Variants in TLCD3A observed in about 807,000 individuals in gnomAD.
TLCD3A encodes TLC domain containing 3A.
A neutral mutation model predicts 29.9 loss-of-function variants in TLCD3A; 17 were observed. The ratio of observed to expected loss-of-function variants is 0.57; its 90% CI spans 0.39 to 0.85. The LOEUF is 0.85. TLCD3A is among the 40% of genes least tolerant of loss of function. The pLI, the probability that TLCD3A is intolerant of heterozygous loss-of-function variation, is 0.00. For missense variants in TLCD3A, 332 were observed against 350.8 expected, an observed-to-expected ratio of 0.95 and a Z score of 0.43; for synonymous variants, 143 against 147.7, an observed-to-expected ratio of 0.97 and a Z score of 0.23.
At chr17:733,848 A>T (rs1177452824) in intron 2 of TLCD3A, among the ~76,000 whole-genome samples, 1 of 152,090 alleles carries the variant, frequency 6.6e-6, no homozygotes, top group African/African-American at 2.4e-5. Context: ...CTGGAATCAC[A>T]CTCACTTTCT....
chr17:737,258 C>G (rs556420799), intron 2 of TLCD3A, among the ~76,000 whole-genome samples: 2 of 150,206 alleles, frequency 1.3e-5, no homozygotes, highest in Non-Finnish European at 3.0e-5. Context: ...GTGATCCACC[C>G]GCCTCAGCCT....
At chr17:740,408 C>T (rs1043558981) in intron 3 of TLCD3A, 97 bp from the exon 4 acceptor site, 19 of 894,260 alleles carry the variant, frequency 2.1e-5, no homozygotes, top group East Asian at 9.7e-5. Flanking sequence ...GTCCTTTGCC[C>T]GTCACAGTTA....
At chr17:740,296 C>T (rs749059934) in intron 3 of TLCD3A, among the ~76,000 whole-genome samples, 11 of 152,158 alleles carry the variant, frequency 7.2e-5, no homozygotes, top group Non-Finnish European at 1.3e-4. Context: ...TGTGGGACGC[C>T]GTCATCCTGT....
intron 2 of TLCD3A, among the ~76,000 whole-genome samples, chr17:736,223 C>T (rs1023983550): frequency 1.3e-5 from 2 of 152,120 alleles, no homozygotes; most frequent in Non-Finnish European, 2.9e-5. Flanking sequence ...TCAGGGCCCT[C>T]GGCTTACAAT....
intron 2 of TLCD3A, among the ~76,000 whole-genome samples, chr17:735,781 A>G (rs1974144715): frequency 1.3e-5 from 2 of 151,828 alleles, no homozygotes; most frequent in Non-Finnish European, 2.9e-5. Flanking sequence ...TCTGGCCAAC[A>G]TGGTGAAACC....
chr17:740,987 T>C (rs756401675), intron 4 of TLCD3A, among the ~76,000 whole-genome samples: 6 of 152,346 alleles, frequency 3.9e-5, no homozygotes, highest in Non-Finnish European at 5.9e-5. Flanking sequence ...GCTCATTCTA[T>C]TTTTTCCCTG....
chr17:738,111 T>TTTTTTTTTTC, intron 3 of TLCD3A, 64 bp downstream of exon 3: 1 of 1,310,478 alleles, frequency 7.6e-7, no homozygotes, highest in Non-Finnish European at 1.0e-6. Flanking sequence ...TTTTTTTTTT[T>TTTTTTTTTTC]TTCTGAGACA....
rs755443158 is a variant in TLCD3A, at chr17:741,370, C to T, written c.574C>T (p.Arg192Trp). ...ILTLATFLSC[R>W]ILLFPFMYWS... Reference sequence around the variant, plus strand: ...CACGCTGGCCACCTTCCTTTCCTGCCGGATCCTTCTCTTCCCCTTCATGTA... The same window carrying T: ...CACGCTGGCCACCTTCCTTTCCTGCTGGATCCTTCTCTTCCCCTTCATGTA... The change falls in exon 5 of 5, where the codon CGG becomes TGG. Residue 192 changes from arginine to tryptophan, a missense_variant. Arg to Trp is a moderately radical substitution (Grantham distance 101, BLOSUM62 -3). Coordinates refer to ENST00000308278, the MANE Select transcript of TLCD3A (RefSeq NM_024792.3). The T allele has an allele frequency of 3.1e-6, 5 of 1,614,188 alleles. No homozygotes were observed. The highest frequency in any genetic ancestry group is 2.2e-5 in the East Asian group (1 of 44,884).
intron 2 of TLCD3A, 96 bp downstream of exon 2, chr17:733,277 T>C: frequency 1.7e-6 from 2 of 1,181,818 alleles, no homozygotes; most frequent in Non-Finnish European, 1.2e-6. Flanking sequence ...AGCTGACTAA[T>C]GGGAAAAGCT....
At chr17:740,097 TAAGAA>T (rs1303331825) in intron 3 of TLCD3A, among the ~76,000 whole-genome samples, 16 of 152,188 alleles carry the variant, frequency 1.1e-4, no homozygotes, top group Non-Finnish European at 5.9e-5. Flanking sequence ...TTAAATTCTT[TAAGAA>T]GTGTCTGGGA....
intron 3 of TLCD3A, among the ~76,000 whole-genome samples, chr17:738,872 A>G (rs896234902): frequency 6.6e-6 from 1 of 151,860 alleles, no homozygotes; most frequent in Non-Finnish European, 1.5e-5. Flanking sequence ...CGGCCCCAAC[A>G]TTCTTTTTAA....
intron 2 of TLCD3A, among the ~76,000 whole-genome samples, chr17:734,667 T>C (rs1386923072): frequency 2.0e-5 from 3 of 152,194 alleles, no homozygotes; most frequent in South Asian, 4.1e-4. Context: ...TTCTATTATA[T>C]GCCTTCTCAT....
At chr17:734,505 G>C (rs1424143887) in intron 2 of TLCD3A, among the ~76,000 whole-genome samples, 1 of 151,400 alleles carries the variant, frequency 6.6e-6, no homozygotes, top group East Asian at 1.9e-4. Flanking sequence ...TAGAGACAGG[G>C]GTCTCCCTGC....
At chr17:739,225 G>A (rs1307636417) in intron 3 of TLCD3A, among the ~76,000 whole-genome samples, 5 of 151,510 alleles carry the variant, frequency 3.3e-5, no homozygotes, top group South Asian at 2.1e-4. Context: ...TTGAGATGGC[G>A]TTTTGCTCTT....
chr17:732,793 C>T (rs1027651988), intron 1 of TLCD3A, 24 bp downstream of exon 1: 75 of 1,440,230 alleles, frequency 5.2e-5, no homozygotes, highest in Non-Finnish European at 6.8e-5. Context: ...CGAGACGCCC[C>T]CCGAGGCCCG....
intron 3 of TLCD3A, among the ~76,000 whole-genome samples, chr17:739,216 TG>T (rs1974211445): frequency 6.6e-6 from 1 of 152,078 alleles, no homozygotes; most frequent in Non-Finnish European, 1.5e-5. Flanking sequence ...TTCATTTTTT[TG>T]AGATGGCGTT....
rs1296235527 is a variant in TLCD3A, at chr17:732,789, GC to G, written c.122+26del. The G allele has an allele frequency of 1.1e-5, 16 of 1,439,396 alleles. No homozygotes were observed. The highest frequency in any genetic ancestry group is 5.0e-5 in the Admixed American group (2 of 39,718). 89.2% of individuals were successfully genotyped at this position (1,439,396 alleles called of 1,614,324 possible). A position where few individuals can be genotyped will look rare whatever the true frequency, so the allele number is the denominator to read the frequency against. On this transcript the variant is annotated intron_variant, in intron 1 of 4. Coordinates refer to ENST00000308278, the MANE Select transcript of TLCD3A (RefSeq NM_024792.3). ...CACCAGGTACCGGCGCCGCCGAGACGCCCCCCGAGGCCCGGGGCGCTGCCCA... is the reference window on the plus strand; with the variant it reads ...CACCAGGTACCGGCGCCGCCGAGACGCCCCCGAGGCCCGGGGCGCTGCCCA...
At chr17:740,430 A>T in intron 3 of TLCD3A, 75 bp from the exon 4 acceptor site, 1 of 1,074,948 alleles carries the variant, frequency 9.3e-7, no homozygotes. Flanking sequence ...CCTTTTCAGT[A>T]GCCCTCGTTG....
intron 2 of TLCD3A, among the ~76,000 whole-genome samples, chr17:733,532 A>C (rs1260004441): frequency 1.3e-5 from 2 of 152,208 alleles, no homozygotes; most frequent in Non-Finnish European, 2.9e-5. Flanking sequence ...ACAGACGTCC[A>C]GTGTGGTTAG....
Sources: allele counts gnomAD v4.1 joint callset (sites outside exome capture counted in the v4.1 genomes callset), GRCh38; gene constraint gnomAD v4.1.1; transcripts MANE v1.5; gene names NCBI Gene and HGNC (gene_info 2026-07-23, HGNC 2026-07-21).